Variants in RBPMS observed in about 807,000 individuals in gnomAD.
RBPMS encodes RNA binding protein, mRNA processing factor, also known as RNA-binding protein with multiple splicing.
In RBPMS, 7 loss-of-function variants were observed where a neutral mutation model predicts 26.8. That is an observed-to-expected ratio of 0.26 (90% CI 0.15 to 0.49). The LOEUF is 0.49. Ranked by LOEUF, RBPMS falls within the 20% of genes least tolerant of loss-of-function variation. The pLI is 0.98. For synonymous variants in RBPMS, 96 were observed against 93.3 expected (o/e 1.03, Z -0.17); for missense variants, 186 against 250.0 (o/e 0.74, Z 1.73).
At chr8:30,437,716 G>A (rs1230048596) in intron 1 of RBPMS, among the ~76,000 whole-genome samples, 11 of 151,864 alleles carry the variant, frequency 7.2e-5, no homozygotes, top group African/African-American at 2.4e-4. Flanking sequence ...ACTTGAACTC[G>A]GGAGATGGAG....
At chr8:30,446,806 T>TGC (rs1563326195) in intron 1 of RBPMS, 31 of 86,076 alleles carry the variant, frequency 3.6e-4, no homozygotes, top group African/African-American at 1.8e-3. Context: ...TGTGTGTGTG[T>TGC]GTGTGTGTGT....
At chr8:30,558,555 GA>G in intron 6 of RBPMS, 2 of 445,094 alleles carry the variant, frequency 4.5e-6, no homozygotes, top group Non-Finnish European at 8.4e-6. Context: ...CTAGGCCTGG[GA>G]AAAGGAATTC....
intron 5 of RBPMS, among the ~76,000 whole-genome samples, chr8:30,536,196 C>T (rs1041846025): frequency 2.7e-5 from 4 of 149,468 alleles, no homozygotes; most frequent in Non-Finnish European, 4.4e-5. Flanking sequence ...GGCACGATCT[C>T]GGCTCACCGC....
intron 1 of RBPMS, among the ~76,000 whole-genome samples, chr8:30,463,527 T>G (rs1466172587): frequency 6.6e-6 from 1 of 152,234 alleles, no homozygotes; most frequent in Admixed American, 6.5e-5. Context: ...AAGAGCTGCT[T>G]CTGCTAAAGA....
At chr8:30,543,817 TA>T (rs776907866) in intron 5 of RBPMS, among the ~76,000 whole-genome samples, 1 of 152,182 alleles carries the variant, frequency 6.6e-6, no homozygotes, top group Admixed American at 6.5e-5. Context: ...TTTTTTCCCC[TA>T]AAAGTTAGTC....
chr8:30,537,937 A>G (rs1200035657), intron 5 of RBPMS, among the ~76,000 whole-genome samples: 1 of 152,192 alleles, frequency 6.6e-6, no homozygotes, highest in Non-Finnish European at 1.5e-5. Flanking sequence ...TATTGGAGGT[A>G]AGAAGAGGAA....
At chr8:30,446,217 C>G (rs1402184206) in intron 1 of RBPMS, among the ~76,000 whole-genome samples, 1 of 152,126 alleles carries the variant, frequency 6.6e-6, no homozygotes, top group African/African-American at 2.4e-5. Context: ...CGTTCACTTT[C>G]CCCTTTATTG....
intron 1 of RBPMS, among the ~76,000 whole-genome samples, chr8:30,434,290 A>C (rs1039180827): frequency 3.3e-5 from 5 of 152,146 alleles, no homozygotes; most frequent in African/African-American, 1.2e-4. Flanking sequence ...GTGATTTTTT[A>C]ATTGCTACAA....
intron 5 of RBPMS, chr8:30,537,434 A>G (rs1232595684): frequency 2.6e-6 from 1 of 380,006 alleles, no homozygotes; most frequent in South Asian, 2.0e-5. Flanking sequence ...TGCAGTTTGT[A>G]TCAGAGAAAT....
intron 5 of RBPMS, among the ~76,000 whole-genome samples, chr8:30,511,523 A>G: frequency 8.2e-5 from 1 of 12,240 alleles, no homozygotes; most frequent in African/African-American, 1.3e-4. Context: ...ATATATATAT[A>G]TATTTCTGTG....
intron 8 of RBPMS, among the ~76,000 whole-genome samples, chr8:30,569,258 C>CTAAG (rs1828104044): frequency 6.6e-6 from 1 of 152,182 alleles, no homozygotes; most frequent in South Asian, 2.1e-4. Flanking sequence ...GTCCTACAGT[C>CTAAG]TAAGTGTCTG....
At chr8:30,391,966 T>G (rs759488808) in intron 1 of RBPMS, among the ~76,000 whole-genome samples, 8 of 152,040 alleles carry the variant, frequency 5.3e-5, no homozygotes, top group Non-Finnish European at 1.2e-4. Context: ...TTATGATGAT[T>G]GTGCTGCTTT....
intron 1 of RBPMS, among the ~76,000 whole-genome samples, chr8:30,440,830 C>G (rs1812987039): frequency 6.7e-6 from 1 of 148,970 alleles, no homozygotes; most frequent in Non-Finnish European, 1.5e-5. Context: ...TTTTCACTAT[C>G]TCACCCAGGG....
intron 1 of RBPMS, among the ~76,000 whole-genome samples, chr8:30,466,584 CTTTCTTTTT>C (rs999527922): frequency 4.7e-5 from 7 of 150,522 alleles, no homozygotes; most frequent in Admixed American, 1.3e-4. Flanking sequence ...GTTTTTCTTT[CTTTCTTTTT>C]TTTCTTTTTT....
intron 6 of RBPMS, chr8:30,556,399 G>A (rs1240522988): frequency 3.0e-6 from 3 of 985,734 alleles, no homozygotes; most frequent in Non-Finnish European, 1.2e-6. Context: ...TGAGGGCTGT[G>A]TGCGAGAGCT....
At chr8:30,529,752 CTT>C (rs34005902) in intron 5 of RBPMS, among the ~76,000 whole-genome samples, 111 of 140,600 alleles carry the variant, frequency 7.9e-4, no homozygotes, top group African/African-American at 9.2e-4. Context: ...GAACTTCATC[CTT>C]TTTTTTTTTT....
intron 6 of RBPMS, among the ~76,000 whole-genome samples, chr8:30,557,121 A>C (rs1335480791): frequency 6.6e-6 from 1 of 152,184 alleles, no homozygotes; most frequent in Non-Finnish European, 1.5e-5. Context: ...CTAGCTGGTC[A>C]TCTGATCGCT....
chr8:30,545,473 C>T (rs1051394228), intron 6 of RBPMS: 6 of 988,908 alleles, frequency 6.1e-6, no homozygotes, highest in African/African-American at 5.2e-5. Flanking sequence ...AAAGTACGTA[C>T]GTAGGTTTCA....
chr8:30,387,763 T>G (rs1286975110), intron 1 of RBPMS, among the ~76,000 whole-genome samples: 1 of 152,220 alleles, frequency 6.6e-6, no homozygotes, highest in Admixed American at 6.5e-5. Flanking sequence ...GTTTGTTTTT[T>G]TCTGTGTTTC....
Sources: allele counts gnomAD v4.1 joint callset (sites outside exome capture counted in the v4.1 genomes callset), GRCh38; gene constraint gnomAD v4.1.1; transcripts MANE v1.5; gene names NCBI Gene and HGNC (gene_info 2026-07-23, HGNC 2026-07-21).